The following IFT43 variants were observed in gnomAD, a reference collection of about 807,000 sequenced individuals.
IFT43 encodes intraflagellar transport protein 43 homolog.
Under a neutral mutation model 32.3 loss-of-function variants are expected in IFT43, and 33 were observed. The ratio of observed to expected loss-of-function variants is 1.02; its 90% confidence interval spans 0.77 to 1.37. IFT43 has a LOEUF of 1.37. Among genes scored for constraint, IFT43 ranks in the 40% most tolerant of loss-of-function variants. The pLI, the probability that IFT43 is intolerant of heterozygous loss-of-function variation, is 0.00. For synonymous variants in IFT43, 93 were observed against 98.2 expected (o/e 0.95, Z 0.31); for missense variants, 274 against 265.9 (o/e 1.03, Z -0.21).
chr14:76,029,838 T>TTTTTAA (rs2036472178), intron 3 of IFT43, among the ~76,000 whole-genome samples: 4 of 146,686 alleles, frequency 2.7e-5, no homozygotes, highest in East Asian at 2.0e-4. Flanking sequence ...TTTTTGTACT[T>TTTTTAA]TTTTTATTTT....
intron 2 of IFT43, among the ~76,000 whole-genome samples, chr14:76,000,111 C>G (rs890892749): frequency 1.3e-5 from 2 of 152,178 alleles, no homozygotes; most frequent in Non-Finnish European, 2.9e-5. Flanking sequence ...TTTACAGTTA[C>G]AATACATACC....
At chr14:76,067,661 T>C (rs1334190796) in intron 5 of IFT43, among the ~76,000 whole-genome samples, 1 of 151,490 alleles carries the variant, frequency 6.6e-6, no homozygotes, top group African/African-American at 2.4e-5. Flanking sequence ...ACATCAGAGG[T>C]GGCTTTGGGA....
At chr14:76,027,461 G>A (rs558393319) in intron 3 of IFT43, among the ~76,000 whole-genome samples, 236 of 152,150 alleles carry the variant, frequency 1.6e-3, no homozygotes, top group Admixed American at 3.5e-3. Context: ...AGTGGCTCAC[G>A]CACTTTGGGA....
intron 3 of IFT43, among the ~76,000 whole-genome samples, chr14:76,046,230 G>A (rs1246878242): frequency 4.6e-5 from 7 of 152,200 alleles, no homozygotes; most frequent in Non-Finnish European, 2.9e-5. Flanking sequence ...TACCTGCTGA[G>A]AAATTGAGCG....
intron 3 of IFT43, among the ~76,000 whole-genome samples, chr14:76,038,645 A>G (rs893739679): frequency 2.6e-5 from 4 of 152,220 alleles, no homozygotes; most frequent in Non-Finnish European, 5.9e-5. Flanking sequence ...ATAGGAAATC[A>G]TAGATGTTCA....
At position 75,986,269 on chromosome 14, in the gene IFT43, T is replaced by A. The variant is rs994402959; in HGVS notation, c.54+429T>A. 2.4e-5 allele frequency: 30 copies of A among 1,276,026 alleles called. No homozygotes were observed. The East Asian group carries it at 1.5e-3, about 62-fold the overall frequency. 79.0% of individuals were successfully genotyped at this position (1,276,026 alleles called of 1,614,324 possible). On this transcript the variant is annotated intron_variant, in intron 1 of 8. Transcript: ENST00000314067. Reference sequence around the variant, plus strand: ...TTCCTGCAAAAGCCGCACTGTTTTATGCATGGAAGGGAGGCAGGCAGGGAC... The same window carrying A: ...TTCCTGCAAAAGCCGCACTGTTTTAAGCATGGAAGGGAGGCAGGCAGGGAC...
chr14:76,076,794 A>G, intron 5 of IFT43: 3 of 1,390,954 alleles, frequency 2.2e-6, no homozygotes, highest in East Asian at 2.4e-5. Context: ...ATTATCCGTA[A>G]TGAATGTATT....
chr14:76,024,192 T>C (rs4903367), intron 3 of IFT43, among the ~76,000 whole-genome samples: 127,646 of 152,210 alleles, frequency 0.84, 53,663 homozygotes, highest in Non-Finnish European at 0.87. Flanking sequence ...GAAATCTCTG[T>C]GAGATCTTCG....
At chr14:76,045,620 C>T (rs1361074410) in intron 3 of IFT43, among the ~76,000 whole-genome samples, 1 of 152,224 alleles carries the variant, frequency 6.6e-6, no homozygotes, top group African/African-American at 2.4e-5. Context: ...TTCTGCCCCA[C>T]CATCCTTAGC....
Position 76,046,159 on chromosome 14 carries a change from T to C in IFT43, c.216-12483T>C, listed in dbSNP as rs77728467. Among the ~76,000 whole-genome samples, 1,118 of 151,854 alleles carry C rather than the reference T, an allele frequency of 7.4e-3. 6 individuals carry two copies. The highest frequency in any genetic ancestry group is 0.012 in the Non-Finnish European group (795 of 67,956). On this transcript the variant is annotated intron_variant, in intron 3 of 8. Transcript: ENST00000314067. ...CAGGAATAAACAGAAGTGACTGAAA[T>C]GAAGAAAGGGAACCAAGAGGCAGAA...
chr14:76,003,788 T>G (rs1343336324), intron 2 of IFT43, among the ~76,000 whole-genome samples: 1 of 151,944 alleles, frequency 6.6e-6, no homozygotes, highest in Non-Finnish European at 1.5e-5. Flanking sequence ...TTGTTTTGTT[T>G]TGTTTTTGAG....
chr14:76,016,599 G>C (rs185498920), intron 2 of IFT43, among the ~76,000 whole-genome samples: 3 of 152,140 alleles, frequency 2.0e-5, no homozygotes, highest in East Asian at 3.9e-4. Flanking sequence ...GAAGAATATC[G>C]TGGGTATTTT....
At chr14:76,009,256 A>G (rs2036034930) in intron 2 of IFT43, among the ~76,000 whole-genome samples, 1 of 152,256 alleles carries the variant, frequency 6.6e-6, no homozygotes, top group Admixed American at 6.5e-5. Context: ...ATTTACAAAT[A>G]GTATGATTTT....
chr14:76,013,803 AC>A (rs1408169434), intron 2 of IFT43: 1 of 284,890 alleles, frequency 3.5e-6, no homozygotes, highest in East Asian at 8.3e-5. Flanking sequence ...GTTCCTGACA[AC>A]CCTCCATATG....
rs201943188 is a variant in IFT43, at chr14:76,082,270, G to C, written c.296-25G>C. 3 of 1,608,874 alleles carry C rather than the reference G, an allele frequency of 1.9e-6. 1 individual carries two copies. The Admixed American group carries it at 5.0e-5, about 27-fold the overall frequency. ...ACAATCCCTATGAGTTCTGCAGACA[G>C]TGTTGCCTCTGCCTCTCCTTGCAGA... On this transcript the variant is annotated intron_variant, in intron 5 of 8. Transcript: ENST00000314067.
intron 2 of IFT43, among the ~76,000 whole-genome samples, chr14:75,999,372 C>T (rs2035840954): frequency 6.8e-6 from 1 of 147,180 alleles, no homozygotes; most frequent in Non-Finnish European, 1.5e-5. Flanking sequence ...AAGTGATCCT[C>T]CTACCTCGGG....
chr14:76,081,219 G>C lies in IFT43; in HGVS notation c.296-1076G>C, dbSNP rs559041486. Among the ~76,000 whole-genome samples, 78 of 152,364 alleles carry C rather than the reference G, an allele frequency of 5.1e-4. 1 individual carries two copies. The highest frequency in any genetic ancestry group is 1.7e-3 in the African/African-American group (71 of 41,586). On this transcript the variant is annotated intron_variant, in intron 5 of 8. Transcript: ENST00000314067. ...AGTGGCAAGGGCCTTCTCAGCTGTT[G>C]TTGAAATGATTTGCACCTCTTTGAA...
chr14:76,080,312 C>T (rs780872503), intron 5 of IFT43, among the ~76,000 whole-genome samples: 6 of 152,074 alleles, frequency 3.9e-5, no homozygotes, highest in Admixed American at 6.5e-5. Context: ...TGCCAAGGCC[C>T]GAGCTGACCT....
At chr14:76,082,465 T>C in intron 6 of IFT43, 98 bp downstream of exon 6, 1 of 1,179,962 alleles carries the variant, frequency 8.5e-7, no homozygotes, top group South Asian at 1.2e-5. Flanking sequence ...TCTGGATCTT[T>C]CTGGTGTTGG....
Sources: gnomAD v4.1 joint callset for allele counts (sites outside exome capture counted in the v4.1 genomes callset) on GRCh38, gnomAD v4.1.1 for gene constraint, MANE v1.5 for transcripts, NCBI Gene and HGNC (gene_info 2026-07-23, HGNC 2026-07-21) for gene names.